The following SVEP1 variants were observed in gnomAD, a reference collection of about 807,000 sequenced individuals.
SVEP1 encodes sushi, von Willebrand factor type A, EGF and pentraxin domain-containing protein 1.
A neutral mutation model predicts 367.3 loss-of-function variants in SVEP1; 164 were observed. The observed-to-expected ratio is 0.45, with a 90% CI of 0.39 to 0.51. The LOEUF (loss-of-function observed/expected upper bound fraction) is 0.51. Among genes scored for constraint, SVEP1 ranks in the 20% least tolerant of loss-of-function variants. SVEP1 has a pLI of 0.00. For missense variants in SVEP1, 4,117 were observed against 4,425.3 expected (o/e 0.93, Z 1.98); for synonymous variants, 1,666 against 1,611.6 (o/e 1.03, Z -0.81).
At chr9:110,516,590 G>C (rs1016899822) in intron 3 of SVEP1, among the ~76,000 whole-genome samples, 1 of 151,982 alleles carries the variant, frequency 6.6e-6, no homozygotes, top group African/African-American at 2.4e-5. Context: ...ATCTGATCAG[G>C]ATCCTCAAAG....
chr9:110,562,075 C>T (rs1194147619), intron 1 of SVEP1, among the ~76,000 whole-genome samples: 1 of 151,822 alleles, frequency 6.6e-6, no homozygotes, highest in Admixed American at 6.6e-5. Flanking sequence ...AGGGACAGTA[C>T]ATCAAATTGG....
chr9:110,480,869 G>A (rs933600010), intron 12 of SVEP1, among the ~76,000 whole-genome samples: 7 of 151,892 alleles, frequency 4.6e-5, no homozygotes, highest in South Asian at 4.2e-4. Context: ...TGATCCACCC[G>A]CCTCAGCCTT....
At chr9:110,452,406 T>C (rs1254206509) in intron 22 of SVEP1, among the ~76,000 whole-genome samples, 6 of 152,194 alleles carry the variant, frequency 3.9e-5, no homozygotes, top group Non-Finnish European at 8.8e-5. Context: ...GTCGCTAATA[T>C]GAGATTTGGA....
intron 36 of SVEP1, among the ~76,000 whole-genome samples, chr9:110,426,976 A>G (rs1828263115): frequency 6.6e-6 from 1 of 152,174 alleles, no homozygotes; most frequent in South Asian, 2.1e-4. Flanking sequence ...GAATATAAAT[A>G]CACGAACGCT....
At chr9:110,437,396 T>C (rs549608801) in intron 27 of SVEP1, among the ~76,000 whole-genome samples, 6 of 152,282 alleles carry the variant, frequency 3.9e-5, no homozygotes, top group Admixed American at 3.9e-4. Flanking sequence ...TGTTTTACTG[T>C]CATATTTTGG....
At chr9:110,429,371 G>A in intron 34 of SVEP1, 37 bp from the exon 35 acceptor site, 1 of 1,409,580 alleles carries the variant, frequency 7.1e-7, no homozygotes, top group East Asian at 2.6e-5. Context: ...GATATAATTT[G>A]CTTTATTTTG....
At chr9:110,368,783 C>A (rs1417330661) in intron 47 of SVEP1, among the ~76,000 whole-genome samples, 1 of 152,062 alleles carries the variant, frequency 6.6e-6, no homozygotes, top group Non-Finnish European at 1.5e-5. Flanking sequence ...TTGTCCATTT[C>A]AAATTTGCTG....
chr9:110,405,330 T>G (rs1052128769), intron 38 of SVEP1, among the ~76,000 whole-genome samples: 1 of 151,670 alleles, frequency 6.6e-6, no homozygotes, highest in Non-Finnish European at 1.5e-5. Context: ...AATACCTACA[T>G]GGACTCAGAT....
At chr9:110,562,522 T>C (rs547124578) in intron 1 of SVEP1, among the ~76,000 whole-genome samples, 1 of 152,222 alleles carries the variant, frequency 6.6e-6, no homozygotes, top group Admixed American at 6.5e-5. Flanking sequence ...GTATTACATA[T>C]GGTATTTGGA....
Position 110,459,026 on chromosome 9 carries a change from T to G in SVEP1, c.3410A>C (p.Lys1137Thr). ...PRDYYQPNAG[K>T]AFCLACPFYG... ...AAAGGGACAGGCCAGGCAGAAGGCC[T>G]TCCCTGCATTAGGTTGGTAATAGTC... is the stretch of plus-strand genomic sequence containing the variant. The change falls in exon 19 of 48, where the codon AAG (lysine) becomes ACG (threonine). Residue 1137 changes from lysine to threonine, a missense_variant. Coordinates refer to ENST00000374469, the MANE Select transcript of SVEP1 (RefSeq NM_153366.4). The G allele has an allele frequency of 6.2e-7, 1 of 1,613,872 alleles. No individual in the cohort carries two copies. The highest frequency in any genetic ancestry group is 1.1e-5 in the South Asian group (1 of 91,080).
chr9:110,396,206 G>A (rs903371930), intron 40 of SVEP1, among the ~76,000 whole-genome samples: 32 of 151,706 alleles, frequency 2.1e-4, no homozygotes, highest in Admixed American at 8.5e-4. Context: ...ACTCAAAACC[G>A]CTCAACTACA....
chr9:110,399,160 C>T (rs1465529661), intron 40 of SVEP1, among the ~76,000 whole-genome samples: 1 of 152,106 alleles, frequency 6.6e-6, no homozygotes, highest in Non-Finnish European at 1.5e-5. Context: ...GAATACTATG[C>T]AGCCATGAAA....
At chr9:110,391,051 A>G (rs538172603) in intron 40 of SVEP1, among the ~76,000 whole-genome samples, 1 of 152,160 alleles carries the variant, frequency 6.6e-6, no homozygotes, top group Non-Finnish European at 1.5e-5. Context: ...AAAAATTATA[A>G]CCATAACATT....
intron 24 of SVEP1, among the ~76,000 whole-genome samples, chr9:110,447,535 T>C (rs10817020): frequency 0.45 from 68,516 of 152,082 alleles, 15,506 homozygotes; most frequent in Admixed American, 0.48. Flanking sequence ...CTATACTCTT[T>C]TTCTTAATCA....
rs1422727142 is a variant in SVEP1 at position 110,365,874 on chromosome 9, T to A, written c.*665A>T. On this transcript the variant is annotated 3_prime_UTR_variant, in exon 48 of 48. Coordinates refer to ENST00000374469, the MANE Select transcript of SVEP1 (RefSeq NM_153366.4). Reference sequence around the variant, plus strand: ...AAGGTCATTATGCTGTTTCTCCACATCCATGAAGTTAATGCCTACGGCTTT... The same window carrying A: ...AAGGTCATTATGCTGTTTCTCCACAACCATGAAGTTAATGCCTACGGCTTT... The A allele has an allele frequency of 1.3e-5, 2 of 152,210 alleles. No homozygotes were observed. Among genetic ancestry groups the A allele is most frequent in the Non-Finnish European group, 2.9e-5 (2 of 68,032 alleles). 9.4% of individuals were successfully genotyped at this position (152,210 alleles called of 1,614,324 possible).
chr9:110,457,460 T>C, intron 20 of SVEP1, 108 bp from the exon 21 acceptor site: 1 of 832,786 alleles, frequency 1.2e-6, no homozygotes. Context: ...TCCTCCTGTT[T>C]CCAGGTAAGT....
chr9:110,541,852 T>TATATCTATATACATAG (rs1564171850), intron 3 of SVEP1, among the ~76,000 whole-genome samples: 5 of 140,710 alleles, frequency 3.6e-5, no homozygotes, highest in African/African-American at 1.1e-4. Context: ...GATATCTATA[T>TATATCTATATACATAG]ATATCTATAT....
intron 40 of SVEP1, among the ~76,000 whole-genome samples, chr9:110,390,341 T>TAAGTATATATATAAGTA (rs1827632137): frequency 3.3e-5 from 1 of 30,424 alleles, no homozygotes; most frequent in Non-Finnish European, 5.9e-5. Context: ...ATACACATAC[T>TAAGTATATATATAAGTA]TATATACACT....
At chr9:110,466,593 C>T (rs1485252596) in intron 17 of SVEP1, among the ~76,000 whole-genome samples, 1 of 151,086 alleles carries the variant, frequency 6.6e-6, no homozygotes, top group Non-Finnish European at 1.5e-5. Context: ...CCCGTCTCTA[C>T]TAAAAAAATA....
Sources: gnomAD v4.1 joint callset for allele counts (sites outside exome capture counted in the v4.1 genomes callset) on GRCh38, gnomAD v4.1.1 for gene constraint, MANE v1.5 for transcripts, NCBI Gene and HGNC (gene_info 2026-07-23, HGNC 2026-07-21) for gene names.